Variants in TTC28 observed in about 807,000 individuals in gnomAD.
TTC28 encodes tetratricopeptide repeat protein 28.
In TTC28, 61 loss-of-function variants were observed where a neutral mutation model predicts 198.0. The observed-to-expected ratio is 0.31, with a 90% CI of 0.25 to 0.38. The LOEUF is 0.38. TTC28 is among the 10% of genes least tolerant of loss of function. The pLI, the probability that TTC28 is intolerant of heterozygous loss-of-function variation, is 1.00. For synonymous variants in TTC28, 1,171 were observed against 1,297.8 expected, an observed-to-expected ratio of 0.90 and a Z score of 2.10; for missense variants, 2,678 against 3,164.0, an observed-to-expected ratio of 0.85 and a Z score of 3.69.
At chr22:28,506,205 G>C (rs1422998186) in intron 2 of TTC28, among the ~76,000 whole-genome samples, 1 of 150,204 alleles carries the variant, frequency 6.7e-6, no homozygotes, top group East Asian at 2.0e-4. Flanking sequence ...CAGCAGACTC[G>C]GCCGTTCCAG....
rs530684325 is a variant in TTC28, at chr22:28,060,868, C to T, written c.3933-30502G>A. ...AAAAGTGTTCCTATTTCTCCACATC[C>T]TCTCCAGCACCTGTTGTTTCCTGAC... On this transcript the variant is annotated intron_variant, in intron 12 of 22. Coordinates refer to ENST00000397906, the MANE Select transcript of TTC28 (RefSeq NM_001145418.2). 3.0e-3 allele frequency among the ~76,000 whole-genome samples: 461 copies of T among 152,302 alleles called. 4 individuals carry two copies. Among genetic ancestry groups the T allele is most frequent in the Non-Finnish European group, 4.5e-3 (308 of 68,034 alleles).
intron 5 of TTC28, among the ~76,000 whole-genome samples, chr22:28,172,095 G>A (rs1352747127): frequency 2.0e-5 from 3 of 152,040 alleles, no homozygotes; most frequent in African/African-American, 4.8e-5. Flanking sequence ...GGCTAGGGAG[G>A]ACACAACCCA....
intron 5 of TTC28, among the ~76,000 whole-genome samples, chr22:28,246,489 T>A (rs1930105271): frequency 6.6e-6 from 1 of 152,200 alleles, no homozygotes; most frequent in Non-Finnish European, 1.5e-5. Flanking sequence ...TGTAATATCT[T>A]ATATTGCTAC....
chr22:28,183,040 C>A (rs928349980), intron 5 of TTC28, among the ~76,000 whole-genome samples: 2 of 150,596 alleles, frequency 1.3e-5, no homozygotes, highest in African/African-American at 4.9e-5. Context: ...GCAATAAACC[C>A]CTTCAATGTC....
chr22:28,029,833 G>T (rs1939000697), intron 13 of TTC28, among the ~76,000 whole-genome samples: 1 of 152,178 alleles, frequency 6.6e-6, no homozygotes, highest in South Asian at 2.1e-4. Context: ...CGAATCTCAG[G>T]CCAGGAAGTC....
chr22:28,245,404 G>A (rs959365401), intron 5 of TTC28, among the ~76,000 whole-genome samples: 1 of 151,980 alleles, frequency 6.6e-6, no homozygotes, highest in African/African-American at 2.4e-5. Context: ...TCATCCTTAG[G>A]CCAATTCTGT....
chr22:28,600,618 T>C (rs1290213552), intron 2 of TTC28, among the ~76,000 whole-genome samples: 2 of 152,222 alleles, frequency 1.3e-5, no homozygotes, highest in Non-Finnish European at 2.9e-5. Context: ...TTTATCATTA[T>C]ACTGAAAAAT....
intron 2 of TTC28, among the ~76,000 whole-genome samples, chr22:28,391,098 T>G (rs2046711319): frequency 6.6e-6 from 1 of 152,100 alleles, no homozygotes; most frequent in Non-Finnish European, 1.5e-5. Context: ...CCTTCACTTA[T>G]GAAGCTTAGT....
chr22:28,647,821 A>G (rs1234007155), intron 1 of TTC28, among the ~76,000 whole-genome samples: 1 of 146,466 alleles, frequency 6.8e-6, no homozygotes, highest in East Asian at 2.1e-4. Context: ...CCTGGGCGAC[A>G]GAGTGAGACT....
At chr22:28,276,022 CT>C (rs960713044) in intron 5 of TTC28, among the ~76,000 whole-genome samples, 5 of 146,396 alleles carry the variant, frequency 3.4e-5, no homozygotes, top group African/African-American at 5.0e-5. Context: ...ATTTTTTTTT[CT>C]TTTTTTTTTA....
intron 5 of TTC28, among the ~76,000 whole-genome samples, chr22:28,290,659 C>A (rs925419110): frequency 2.6e-5 from 4 of 152,152 alleles, no homozygotes; most frequent in Admixed American, 1.3e-4. Flanking sequence ...TGCCTATAAT[C>A]CCAGCACTTT....
intron 2 of TTC28, among the ~76,000 whole-genome samples, chr22:28,600,958 T>A (rs2050630487): frequency 6.6e-6 from 1 of 152,220 alleles, no homozygotes. Flanking sequence ...AAATTGACTT[T>A]AAACCTAAAT....
At chr22:28,637,048 GC>G (rs1444329296) in intron 1 of TTC28, among the ~76,000 whole-genome samples, 3 of 129,696 alleles carry the variant, frequency 2.3e-5, no homozygotes, top group Admixed American at 9.4e-5. Flanking sequence ...TTGCTCTGTC[GC>G]CCAGGCTGGA....
intron 2 of TTC28, among the ~76,000 whole-genome samples, chr22:28,309,852 A>C: frequency 6.6e-6 from 1 of 152,174 alleles, no homozygotes; most frequent in Admixed American, 6.5e-5. Flanking sequence ...CTATACCCTA[A>C]GTACAATGAT....
intron 12 of TTC28, among the ~76,000 whole-genome samples, chr22:28,031,840 A>T (rs974973184): frequency 4.6e-5 from 7 of 152,144 alleles, no homozygotes; most frequent in Non-Finnish European, 1.0e-4. Context: ...CAGACTGAGT[A>T]AAGTAGACTG....
At chr22:28,331,879 T>C (rs1415338331) in intron 2 of TTC28, among the ~76,000 whole-genome samples, 1 of 152,088 alleles carries the variant, frequency 6.6e-6, no homozygotes, top group Non-Finnish European at 1.5e-5. Flanking sequence ...CACTACCCCT[T>C]GGGGAGAAAT....
At chr22:28,646,295 C>T (rs960384721) in intron 1 of TTC28, among the ~76,000 whole-genome samples, 1 of 152,146 alleles carries the variant, frequency 6.6e-6, no homozygotes, top group Non-Finnish European at 1.5e-5. Flanking sequence ...GAAACTCAGT[C>T]CTTTTTACAG....
intron 5 of TTC28, among the ~76,000 whole-genome samples, chr22:28,167,104 C>T (rs1303583727): frequency 1.3e-5 from 2 of 152,154 alleles, no homozygotes; most frequent in Admixed American, 6.5e-5. Context: ...CACATACACC[C>T]GCCCAAGACT....
At chr22:28,216,229 A>G (rs1434842453) in intron 5 of TTC28, among the ~76,000 whole-genome samples, 2 of 152,240 alleles carry the variant, frequency 1.3e-5, no homozygotes, top group African/African-American at 2.4e-5. Context: ...GACCTGGCAT[A>G]TAACTAGTAT....
Sources: gnomAD v4.1 joint callset for allele counts (sites outside exome capture counted in the v4.1 genomes callset) on GRCh38, gnomAD v4.1.1 for gene constraint, MANE v1.5 for transcripts, NCBI Gene and HGNC (gene_info 2026-07-23, HGNC 2026-07-21) for gene names.